TDRD12: variants seen among roughly 807,000 people sequenced by gnomAD.
TDRD12 encodes the protein putative ATP-dependent RNA helicase TDRD12.
TDRD12 carries 158 observed loss-of-function variants against 133.5 expected under a neutral mutation model. The ratio of observed to expected loss-of-function variants is 1.18; its 90% CI spans 1.04 to 1.35. The LOEUF is 1.35. Ranked by LOEUF, TDRD12 falls within the 40% of genes most tolerant of loss-of-function variation. TDRD12 has a pLI of 0.00. For missense variants in TDRD12, 1,443 were observed against 1,321.3 expected (o/e 1.09, Z -1.43); for synonymous variants, 460 against 477.9 (o/e 0.96, Z 0.49).
chr19:32,750,307 C>A (rs1011842470), intron 6 of TDRD12, among the ~76,000 whole-genome samples: 1 of 152,136 alleles, frequency 6.6e-6, no homozygotes, highest in Non-Finnish European at 1.5e-5. Context: ...CAGCTGCTAG[C>A]ATTTTGGCCT....
At chr19:32,826,310 T>C (rs764142595) in exon 8 of TDRD12, 248 of 1,417,660 alleles carry the variant, frequency 1.7e-4, no homozygotes, top group Non-Finnish European at 2.2e-4. Flanking sequence ...GAATAAGGAA[T>C]GTAAAGGACT....
At chr19:32,805,198 T>TACAC (rs762012247) in intron 21 of TDRD12, among the ~76,000 whole-genome samples, 2 of 80,452 alleles carry the variant, frequency 2.5e-5, no homozygotes, top group African/African-American at 8.1e-5. Context: ...AATATATATA[T>TACAC]ACACACACAC....
exon 4 of TDRD12, chr19:32,742,841 G>T (rs1242366462): frequency 6.4e-7 from 1 of 1,551,704 alleles, no homozygotes; most frequent in Non-Finnish European, 8.7e-7. Context: ...AATTCAGCCT[G>T]TACTGCACAA....
Position 32,720,974 on chromosome 19 carries a change from A to G in TDRD12, c.24+878A>G, listed in dbSNP as rs114920367. On this transcript the variant is annotated intron_variant, in intron 1 of 27. Transcript: ENST00000444215. Reference sequence around the variant, plus strand: ...TCCGAATGCTCGATCACCCGGGCCAAGCGACACTGGCGTCCCCAGGGCCCC... The same window carrying G: ...TCCGAATGCTCGATCACCCGGGCCAGGCGACACTGGCGTCCCCAGGGCCCC... Among the ~76,000 whole-genome samples, 413 of 151,886 alleles carry G rather than the reference A, an allele frequency of 2.7e-3. 5 individuals carry two copies. The highest frequency in any genetic ancestry group is 9.6e-3 in the African/African-American group (399 of 41,448).
intron 21 of TDRD12, among the ~76,000 whole-genome samples, chr19:32,807,022 A>C (rs1265224245): frequency 6.6e-6 from 1 of 152,234 alleles, no homozygotes; most frequent in Non-Finnish European, 1.5e-5. Context: ...GCAGCATTGT[A>C]GTTAAGGAAC....
chr19:32,813,392 C>T (rs11671862), intron 24 of TDRD12, among the ~76,000 whole-genome samples: 16,262 of 152,120 alleles, frequency 0.11, 1,092 homozygotes, highest in Middle Eastern at 0.16. Context: ...AGATGGGGTA[C>T]GCACGTCCAC....
intron 8 of TDRD12, among the ~76,000 whole-genome samples, chr19:32,767,271 G>A (rs938430069): frequency 6.6e-6 from 1 of 151,760 alleles, no homozygotes; most frequent in African/African-American, 2.4e-5. Flanking sequence ...TGGGATTACA[G>A]GTGTGCACCA....
chr19:32,791,842 G>A (rs1003924368), intron 13 of TDRD12, among the ~76,000 whole-genome samples: 2 of 151,872 alleles, frequency 1.3e-5, no homozygotes, highest in African/African-American at 4.8e-5. Context: ...TGACACTCAT[G>A]TGATGACAAG....
chr19:32,792,017 A>G (rs1272199319), intron 13 of TDRD12, among the ~76,000 whole-genome samples: 1 of 151,880 alleles, frequency 6.6e-6, no homozygotes, highest in Non-Finnish European at 1.5e-5. Flanking sequence ...AGGCCGAGGC[A>G]GGCAGATAAC....
At chr19:32,762,748 T>A (rs1017689449) in intron 8 of TDRD12, among the ~76,000 whole-genome samples, 2 of 152,184 alleles carry the variant, frequency 1.3e-5, no homozygotes, top group African/African-American at 4.8e-5. Flanking sequence ...CACAGGACCA[T>A]TGGGTTTAAA....
chr19:32,807,782 C>A, intron 22 of TDRD12, 134 bp downstream of exon 22: 2 of 495,016 alleles, frequency 4.0e-6, no homozygotes, highest in Non-Finnish European at 6.7e-6. Context: ...ACCATTAGTG[C>A]AACCAGAGGC....
intron 2 of TDRD12, among the ~76,000 whole-genome samples, chr19:32,732,493 G>GT (rs1969089811): frequency 6.6e-6 from 1 of 152,220 alleles, no homozygotes; most frequent in African/African-American, 2.4e-5. Flanking sequence ...TCAGCAAAGA[G>GT]GGAATAGGGT....
intron 1 of TDRD12, among the ~76,000 whole-genome samples, chr19:32,728,054 T>G (rs1968915720): frequency 6.6e-6 from 1 of 152,222 alleles, no homozygotes; most frequent in African/African-American, 2.4e-5. Context: ...TTTGGTACCC[T>G]TGTCAAAAAT....
chr19:32,781,160 G>T, intron 11 of TDRD12, among the ~76,000 whole-genome samples: 1 of 151,958 alleles, frequency 6.6e-6, no homozygotes, highest in Non-Finnish European at 1.5e-5. Flanking sequence ...AGCCAGGATG[G>T]TCTCTATCTC....
intron 18 of TDRD12, 62 bp downstream of exon 18, chr19:32,800,834 C>T: frequency 7.0e-7 from 1 of 1,431,946 alleles, no homozygotes. Flanking sequence ...CTCAAGTCAT[C>T]ACAAAATTAC....
intron 8 of TDRD12, among the ~76,000 whole-genome samples, chr19:32,764,523 G>A (rs1489919012): frequency 6.6e-6 from 1 of 152,212 alleles, no homozygotes; most frequent in East Asian, 1.9e-4. Flanking sequence ...TATGATTCAG[G>A]TATGATCTCT....
intron 19 of TDRD12, 88 bp from the exon 20 acceptor site, chr19:32,802,568 T>G (rs1971429333): frequency 7.2e-7 from 1 of 1,389,754 alleles, no homozygotes; most frequent in Admixed American, 2.5e-5. Flanking sequence ...GATATGGAAA[T>G]GCACTGCAGT....
At chr19:32,780,057 C>G (rs529104460) in intron 11 of TDRD12, among the ~76,000 whole-genome samples, 4 of 151,432 alleles carry the variant, frequency 2.6e-5, no homozygotes, top group Admixed American at 2.6e-4. Flanking sequence ...GAAAATTCTC[C>G]GAATATGCCC....
At chr19:32,821,070 C>A in exon 28 of TDRD12, 1 of 1,535,894 alleles carries the variant, frequency 6.5e-7, no homozygotes, top group African/African-American at 1.4e-5. Flanking sequence ...CCTGCAGAGC[C>A]CCCAGCCTGA....
Sources: allele counts gnomAD v4.1 joint callset (sites outside exome capture counted in the v4.1 genomes callset), GRCh38; gene constraint gnomAD v4.1.1; transcripts MANE v1.5; gene names NCBI Gene and HGNC (gene_info 2026-07-23, HGNC 2026-07-21).